FOXO3: variants seen among roughly 807,000 people sequenced by gnomAD.
FOXO3 encodes the protein forkhead box O3, also known as forkhead box protein O3.
A neutral mutation model predicts 41.9 loss-of-function variants in FOXO3; 4 were observed. The observed-to-expected ratio is 0.10, with a 90% CI of 0.05 to 0.22. FOXO3 has a LOEUF of 0.22. Among genes scored for constraint, FOXO3 ranks in the 10% least tolerant of loss-of-function variants. The pLI is 1.00. For missense variants in FOXO3, 534 were observed against 906.8 expected (o/e 0.59, Z 5.28); for synonymous variants, 318 against 389.3 (o/e 0.82, Z 2.16).
intron 1 of FOXO3, among the ~76,000 whole-genome samples, chr6:108,580,183 A>ATTTTTTT (rs11395032): frequency 1.6e-3 from 151 of 93,010 alleles, no homozygotes; most frequent in South Asian, 2.4e-3. Flanking sequence ...GCTCTTCTTC[A>ATTTTTTT]TTTTTTTTTT....
intron 1 of FOXO3, among the ~76,000 whole-genome samples, chr6:108,617,389 A>G (rs1446592886): frequency 1.3e-5 from 2 of 151,560 alleles, no homozygotes; most frequent in Admixed American, 6.6e-5. Context: ...TGAATTTTAC[A>G]TAGTTTTTTT....
chr6:108,609,474 T>C (rs951744206), intron 1 of FOXO3, among the ~76,000 whole-genome samples: 3 of 152,198 alleles, frequency 2.0e-5, no homozygotes, highest in African/African-American at 7.2e-5. Context: ...AGCTGTGCTC[T>C]TGATCTCTTT....
chr6:108,636,327 T>C (rs17310529), intron 1 of FOXO3, among the ~76,000 whole-genome samples: 14,718 of 152,208 alleles, frequency 0.097, 739 homozygotes, highest in East Asian at 0.15. Flanking sequence ...AGATGTCCAC[T>C]TCTTTGGCAT....
chr6:108,674,456 C>A (rs1046431940), intron 2 of FOXO3, among the ~76,000 whole-genome samples: 4 of 152,176 alleles, frequency 2.6e-5, no homozygotes, highest in African/African-American at 9.7e-5. Context: ...GTAGGTGCTC[C>A]ATAAGTGTTT....
chr6:108,672,351 C>G (rs182602790), intron 2 of FOXO3, among the ~76,000 whole-genome samples: 1 of 152,072 alleles, frequency 6.6e-6, no homozygotes, highest in African/African-American at 2.4e-5. Flanking sequence ...AACATCTCTT[C>G]GAATTCTAAG....
At chr6:108,595,770 A>G (rs1270000591) in intron 1 of FOXO3, among the ~76,000 whole-genome samples, 1 of 152,100 alleles carries the variant, frequency 6.6e-6, no homozygotes, top group African/African-American at 2.4e-5. Flanking sequence ...GTTTTTTTGC[A>G]CACAACATGA....
chr6:108,654,402 A>T (rs898240689), intron 1 of FOXO3, among the ~76,000 whole-genome samples: 1 of 152,244 alleles, frequency 6.6e-6, no homozygotes, highest in Non-Finnish European at 1.5e-5. Flanking sequence ...ATGCTATTTA[A>T]GAGAACTTTC....
chr6:108,561,927 G>A, intron 1 of FOXO3, 98 bp downstream of exon 1: 2 of 1,451,190 alleles, frequency 1.4e-6, no homozygotes, highest in East Asian at 2.7e-5. Flanking sequence ...CGGGCTCCAG[G>A]GCAAGGGGTT....
chr6:108,564,042 T>C (rs1483415703), intron 1 of FOXO3, among the ~76,000 whole-genome samples: 1 of 152,188 alleles, frequency 6.6e-6, no homozygotes, highest in Non-Finnish European at 1.5e-5. Context: ...TCTCAAGGCT[T>C]AATATGCTTA....
chr6:108,670,910 G>C (rs913367930), intron 2 of FOXO3, among the ~76,000 whole-genome samples: 2 of 152,208 alleles, frequency 1.3e-5, no homozygotes, highest in Admixed American at 1.3e-4. Context: ...CTCAAGAAAG[G>C]CCTGAAATCA....
chr6:108,621,360 A>C (rs1376309489), intron 1 of FOXO3, among the ~76,000 whole-genome samples: 1 of 152,174 alleles, frequency 6.6e-6, no homozygotes, highest in East Asian at 1.9e-4. Context: ...TCTCAAAGAC[A>C]TCAGATGTCA....
intron 1 of FOXO3, among the ~76,000 whole-genome samples, chr6:108,574,864 T>G (rs545082840): frequency 6.6e-6 from 1 of 152,344 alleles, no homozygotes; most frequent in African/African-American, 2.4e-5. Context: ...AACTCTCAGT[T>G]TCATAGTAAA....
At chr6:108,563,586 C>T (rs1775874316) in intron 1 of FOXO3, among the ~76,000 whole-genome samples, 1 of 152,216 alleles carries the variant, frequency 6.6e-6, no homozygotes, top group Admixed American at 6.5e-5. Flanking sequence ...TCAGATTTCT[C>T]TCACTTGAAA....
intron 1 of FOXO3, among the ~76,000 whole-genome samples, chr6:108,577,608 A>C (rs1226476549): frequency 6.6e-6 from 1 of 152,194 alleles, no homozygotes; most frequent in Non-Finnish European, 1.5e-5. Flanking sequence ...TTAGGTCAGA[A>C]TCTCTAGGTA....
chr6:108,570,106 T>C (rs1055762242), intron 1 of FOXO3, among the ~76,000 whole-genome samples: 1 of 147,296 alleles, frequency 6.8e-6, no homozygotes, highest in Non-Finnish European at 1.5e-5. Context: ...TTCATGCCAT[T>C]CTCCTGCCTC....
chr6:108,639,422 G>A (rs1429044343), intron 1 of FOXO3: 9 of 335,126 alleles, frequency 2.7e-5, no homozygotes, highest in Admixed American at 1.9e-4. Flanking sequence ...TCAGTTTGTT[G>A]GTCACAAATA....
chr6:108,639,976 C>G (rs1778215030), intron 1 of FOXO3, among the ~76,000 whole-genome samples: 1 of 152,232 alleles, frequency 6.6e-6, no homozygotes, highest in Admixed American at 6.5e-5. Context: ...GAAAACCATA[C>G]ACCTGTGAGA....
rs557542940 is a variant in FOXO3 at position 108,656,520 on chromosome 6, A to G, written c.622-6935A>G. 18 of 985,320 alleles carry G rather than the reference A, an allele frequency of 1.8e-5. No individual in the cohort carries two copies. In the South Asian group the frequency reaches 5.6e-4, roughly 31 times the overall value. The allele number at this position is 985,320 out of a possible 1,614,324, so 61.0% of individuals were successfully genotyped here. ...GCCCTGGAACCTTTTGGCTTAAAGT[A>G]TATGATGCTCGGAAAACAGTAAGTT... On this transcript the variant is annotated intron_variant, in intron 1 of 2. Coordinates refer to ENST00000406360, the MANE Select transcript of FOXO3 (RefSeq NM_001455.4).
intron 1 of FOXO3, among the ~76,000 whole-genome samples, chr6:108,647,062 G>T (rs529011277): frequency 1.3e-3 from 200 of 152,112 alleles, no homozygotes; most frequent in Non-Finnish European, 1.3e-3. Flanking sequence ...AAAAACCACG[G>T]GAGTTTTAAA....
Sources: gnomAD v4.1 joint callset for allele counts (sites outside exome capture counted in the v4.1 genomes callset) on GRCh38, gnomAD v4.1.1 for gene constraint, MANE v1.5 for transcripts, NCBI Gene and HGNC (gene_info 2026-07-23, HGNC 2026-07-21) for gene names.